DDX10: variants seen among roughly 807,000 people sequenced by gnomAD.
DDX10 encodes the protein DEAD-box helicase 10.
A neutral mutation model predicts 104.3 loss-of-function variants in DDX10; 74 were observed. The ratio of observed to expected loss-of-function variants is 0.71; its 90% CI spans 0.59 to 0.86. The LOEUF (loss-of-function observed/expected upper bound fraction) is 0.86. Among genes scored for constraint, DDX10 ranks in the 40% least tolerant of loss-of-function variants. The probability of loss-of-function intolerance (pLI) is 0.00; values close to 1 mark genes in which losing one functional copy is unlikely to be tolerated. For synonymous variants in DDX10, 351 were observed against 353.4 expected (o/e 0.99, Z 0.08); for missense variants, 952 against 1,040.0 (o/e 0.92, Z 1.16).
intron 13 of DDX10, among the ~76,000 whole-genome samples, chr11:108,767,719 A>G (rs1301081119): frequency 2.0e-5 from 3 of 152,158 alleles, no homozygotes; most frequent in African/African-American, 2.4e-5. Flanking sequence ...GAGTTGTTTT[A>G]TGTGTGGAAC....
At chr11:108,840,123 C>G (rs1214301464) in intron 14 of DDX10, among the ~76,000 whole-genome samples, 1 of 152,142 alleles carries the variant, frequency 6.6e-6, no homozygotes, top group Non-Finnish European at 1.5e-5. Flanking sequence ...GATGAGGAGT[C>G]CAAGTAACAT....
intron 6 of DDX10, among the ~76,000 whole-genome samples, chr11:108,682,879 T>G (rs2094237523): frequency 6.6e-6 from 1 of 151,566 alleles, no homozygotes; most frequent in Non-Finnish European, 1.5e-5. Context: ...ATCTTGGCAG[T>G]TTTTTTTTCC....
chr11:108,877,988 G>A (rs1360635234), intron 16 of DDX10, among the ~76,000 whole-genome samples: 1 of 152,108 alleles, frequency 6.6e-6, no homozygotes, highest in Non-Finnish European at 1.5e-5. Context: ...TTGTACCTTA[G>A]TGATTTCTTT....
chr11:108,712,994 C>G (rs554744172), intron 10 of DDX10, among the ~76,000 whole-genome samples: 109 of 152,248 alleles, frequency 7.2e-4, no homozygotes, highest in South Asian at 1.4e-3. Flanking sequence ...TCATTTCACT[C>G]TCTCCTTGCT....
At chr11:108,896,858 T>C (rs1332002535) in intron 16 of DDX10, among the ~76,000 whole-genome samples, 1 of 151,832 alleles carries the variant, frequency 6.6e-6, no homozygotes, top group Non-Finnish European at 1.5e-5. Context: ...AGTGTTTCAG[T>C]TGACTGGGGG....
intron 15 of DDX10, among the ~76,000 whole-genome samples, chr11:108,844,992 C>T (rs886215000): frequency 1.3e-5 from 2 of 152,072 alleles, no homozygotes; most frequent in East Asian, 1.9e-4. Context: ...GTCAGGAGAT[C>T]GAGACCATCC....
At chr11:108,693,776 A>G (rs1273600770) in intron 9 of DDX10, among the ~76,000 whole-genome samples, 176 bp downstream of exon 9, 1 of 152,210 alleles carries the variant, frequency 6.6e-6, no homozygotes, top group Admixed American at 6.5e-5. Flanking sequence ...TAGTGCTGCA[A>G]AAAATCCATA....
At chr11:108,794,314 A>G (rs1022439248) in intron 13 of DDX10, among the ~76,000 whole-genome samples, 1 of 151,998 alleles carries the variant, frequency 6.6e-6, no homozygotes, top group Non-Finnish European at 1.5e-5. Flanking sequence ...TCACATTGAC[A>G]GTTATGTAAT....
Position 108,737,880 on chromosome 11 carries a change from A to G in DDX10, c.1965+14418A>G, listed in dbSNP as rs189899964. ...ATTTCCTATTATATCTTTGGGTGAT[A>G]ACGATTAGAATAATTCTTCCACCTG... On this transcript the variant is annotated intron_variant, in intron 13 of 17. Transcript: ENST00000322536. Among the ~76,000 whole-genome samples the G allele has an allele frequency of 8.5e-5, 13 of 152,270 alleles. No homozygotes were observed. The East Asian group carries it at 1.9e-3, about 23-fold the overall frequency.
intron 13 of DDX10, among the ~76,000 whole-genome samples, chr11:108,820,338 C>T (rs1303214516): frequency 6.6e-6 from 1 of 152,156 alleles, no homozygotes; most frequent in Non-Finnish European, 1.5e-5. Flanking sequence ...AAGGAATACA[C>T]TTTGTTGGGA....
chr11:108,869,059 A>G (rs1342742234), intron 16 of DDX10, among the ~76,000 whole-genome samples: 3 of 151,212 alleles, frequency 2.0e-5, no homozygotes, highest in East Asian at 3.9e-4. Flanking sequence ...GGAAATAATG[A>G]TAAGGATGGA....
intron 15 of DDX10, among the ~76,000 whole-genome samples, chr11:108,848,229 A>G (rs536485740): frequency 5.6e-4 from 85 of 152,302 alleles, no homozygotes; most frequent in African/African-American, 1.8e-3. Flanking sequence ...TGTTCATTGC[A>G]TAGCTAGATA....
intron 13 of DDX10, among the ~76,000 whole-genome samples, chr11:108,804,252 C>T (rs1421765615): frequency 6.6e-6 from 1 of 152,088 alleles, no homozygotes; most frequent in Non-Finnish European, 1.5e-5. Flanking sequence ...AATACTAGCA[C>T]TTTGAGAGGC....
intron 1 of DDX10, among the ~76,000 whole-genome samples, chr11:108,672,062 G>GAAAAAAAAAAAAA: frequency 1.5e-5 from 1 of 68,644 alleles, no homozygotes; most frequent in Non-Finnish European, 2.7e-5. Flanking sequence ...CTCCATCTCG[G>GAAAAAAAAAAAAA]AAAAAAAAAA....
chr11:108,899,104 A>G (rs763198248), intron 16 of DDX10, among the ~76,000 whole-genome samples: 4 of 151,898 alleles, frequency 2.6e-5, no homozygotes, highest in African/African-American at 9.7e-5. Context: ...TTATCTCTCA[A>G]TCTCTATTTT....
chr11:108,824,601 TAA>T (rs774826186), intron 13 of DDX10, among the ~76,000 whole-genome samples: 9 of 152,168 alleles, frequency 5.9e-5, no homozygotes, highest in Non-Finnish European at 1.3e-4. Flanking sequence ...TTTGGAAATC[TAA>T]AAAGAGAGGG....
chr11:108,733,744 C>T (rs1291676281), intron 13 of DDX10, among the ~76,000 whole-genome samples: 2 of 152,010 alleles, frequency 1.3e-5, no homozygotes, highest in African/African-American at 4.8e-5. Flanking sequence ...TTCTTATTAC[C>T]TCATTCTTGG....
At chr11:108,693,426 A>G (rs113758301) in intron 8 of DDX10, 90 bp from the exon 9 acceptor site, 2 of 907,820 alleles carry the variant, frequency 2.2e-6, no homozygotes, top group Non-Finnish European at 3.7e-6. Context: ...ATGTGATGAA[A>G]AGTCCTGGCA....
At chr11:108,710,285 C>G (rs1490172422) in intron 10 of DDX10, among the ~76,000 whole-genome samples, 1 of 152,090 alleles carries the variant, frequency 6.6e-6, no homozygotes, top group African/African-American at 2.4e-5. Context: ...CTTCAGTAAC[C>G]TTAGCTTGCT....
Sources: allele counts gnomAD v4.1 joint callset (sites outside exome capture counted in the v4.1 genomes callset), GRCh38; gene constraint gnomAD v4.1.1; transcripts MANE v1.5; gene names NCBI Gene and HGNC (gene_info 2026-07-23, HGNC 2026-07-21).